The following SCAF11 variants were observed in gnomAD, a reference collection of about 807,000 sequenced individuals.
The protein encoded by SCAF11 is protein SCAF11.
Under a neutral mutation model 140.5 loss-of-function variants are expected in SCAF11, and 47 were observed. That is an observed-to-expected ratio of 0.33 (90% confidence interval 0.26 to 0.43). The LOEUF (loss-of-function observed/expected upper bound fraction) is 0.43. SCAF11 is among the 20% of genes least tolerant of loss of function. The pLI is 1.00. For missense variants in SCAF11, 1,645 were observed against 1,705.1 expected (o/e 0.96, Z 0.62); for synonymous variants, 557 against 579.4 (o/e 0.96, Z 0.55).
At chr12:45,946,426 T>TG (rs1195907776) in intron 5 of SCAF11, among the ~76,000 whole-genome samples, 1 of 152,236 alleles carries the variant, frequency 6.6e-6, no homozygotes, top group African/African-American at 2.4e-5. Flanking sequence ...TTTTCCACCT[T>TG]GGGAAAAATA....
intron 1 of SCAF11, among the ~76,000 whole-genome samples, chr12:45,981,481 CA>C (rs1368647056): frequency 6.6e-5 from 10 of 152,154 alleles, no homozygotes; most frequent in African/African-American, 1.4e-4. Context: ...TCCTGTCTCC[CA>C]AAAAGATCCA....
chr12:45,991,029 G>T (rs1008870831), upstream of SCAF11, among the ~76,000 whole-genome samples: 2 of 152,252 alleles, frequency 1.3e-5, no homozygotes, highest in African/African-American at 4.8e-5. Context: ...TGCGCAGGGT[G>T]TGCTCCTTAT....
chr12:45,956,277 G>T, intron 3 of SCAF11: 1 of 654,106 alleles, frequency 1.5e-6, no homozygotes, highest in Non-Finnish European at 2.8e-6. Flanking sequence ...TTGCCTGTTT[G>T]TGGGAATCTC....
At chr12:45,942,513 A>G (rs1044548116) in intron 6 of SCAF11, among the ~76,000 whole-genome samples, 1 of 152,184 alleles carries the variant, frequency 6.6e-6, no homozygotes, top group African/African-American at 2.4e-5. Context: ...CATTGGCCCT[A>G]AATGATCTCC....
At chr12:45,934,347 CTTAAATATTTTGATACA>C (rs1254922700) in intron 7 of SCAF11, 62 bp from the exon 8 acceptor site, 2 of 1,369,846 alleles carry the variant, frequency 1.5e-6, no homozygotes, top group Admixed American at 1.9e-5. Flanking sequence ...AATAGTTATA[CTTAAATATTTTGATACA>C]CCTGAAGCAC....
chr12:45,964,242 C>T, intron 1 of SCAF11, 54 bp from the exon 2 acceptor site: 2 of 815,354 alleles, frequency 2.5e-6, no homozygotes, highest in South Asian at 3.2e-5. Context: ...CCAATAATAT[C>T]AATTAAAAAA....
intron 3 of SCAF11, 150 bp from the exon 4 acceptor site, chr12:45,951,877 A>C: frequency 1.9e-6 from 1 of 530,362 alleles, no homozygotes; most frequent in Admixed American, 3.2e-5. Context: ...CATTCATTCA[A>C]ACATTTACTG....
chr12:45,991,282 GC>G (rs900123204), upstream of SCAF11, among the ~76,000 whole-genome samples: 1 of 152,204 alleles, frequency 6.6e-6, no homozygotes, highest in African/African-American at 2.4e-5. Flanking sequence ...TTAAATTTGG[GC>G]CAGGTGCGCG....
chr12:45,933,923 GAAC>G (rs1007000571), intron 8 of SCAF11, among the ~76,000 whole-genome samples: 54 of 152,036 alleles, frequency 3.6e-4, no homozygotes, highest in African/African-American at 1.3e-3. Context: ...AGCTTATATA[GAAC>G]AACTTATTAA....
Position 45,928,457 on chromosome 12 carries a change from G to A in SCAF11, c.1244C>T (p.Thr415Ile), listed in dbSNP as rs1197564883. Residue 415 changes from threonine to isoleucine, a missense_variant, in exon 11 of 15, where the codon ACA (threonine) becomes ATA (isoleucine). Thr to Ile is a moderately conservative substitution (Grantham distance 89). Transcript: ENST00000369367. The stretch of plus-strand genomic sequence containing the variant: ...GTGCTCTTTTTCTAACACAGGTGAT[G>A]TGTCAGATTCTGCTGTTTCTTCATC... ...SVDEETAESD[T>I]SPVLEKEHQP... The A allele has an allele frequency of 3.7e-6, 6 of 1,612,688 alleles. No individual in the cohort carries two copies. The highest frequency in any genetic ancestry group is 4.5e-5 in the East Asian group (2 of 44,870).
intron 6 of SCAF11, among the ~76,000 whole-genome samples, chr12:45,937,609 T>C (rs1039620299): frequency 6.6e-6 from 1 of 152,202 alleles, no homozygotes; most frequent in African/African-American, 2.4e-5. Context: ...GGTTACTTCA[T>C]TGGGAGACTC....
At chr12:45,987,088 T>G (rs984589821) in intron 1 of SCAF11, among the ~76,000 whole-genome samples, 5 of 152,140 alleles carry the variant, frequency 3.3e-5, no homozygotes, top group African/African-American at 1.2e-4. Flanking sequence ...AGGCTGGGTG[T>G]GGTGGTTCAT....
chr12:45,990,168 C>A (rs373548102), intron 1 of SCAF11, among the ~76,000 whole-genome samples, 185 bp downstream of exon 1: 3 of 152,118 alleles, frequency 2.0e-5, no homozygotes, highest in Non-Finnish European at 1.5e-5. Context: ...GCCTCCCCCA[C>A]TTCGAGAGGT....
intron 1 of SCAF11, among the ~76,000 whole-genome samples, chr12:45,989,928 C>T (rs1272272342): frequency 6.6e-6 from 1 of 152,188 alleles, no homozygotes; most frequent in African/African-American, 2.4e-5. Context: ...GACACGTTTC[C>T]ACTGCAGGGA....
At position 45,926,805 on chromosome 12, in the gene SCAF11, A is replaced by C; in HGVS notation, c.2896T>G (p.Trp966Gly). 1 of 1,614,028 alleles carries C rather than the reference A, an allele frequency of 6.2e-7. No homozygotes were observed. Among genetic ancestry groups the C allele is most frequent in the Non-Finnish European group, 8.5e-7 (1 of 1,179,978 alleles). ...RIDRDSYSPR[W>G]KGRWANDGWR... ...CCATCATTTGCCCATCTTCCCTTCCACCGGGGAGAGTAACTATCTCTGTCA... is the reference window on the plus strand; with the variant it reads ...CCATCATTTGCCCATCTTCCCTTCCCCCGGGGAGAGTAACTATCTCTGTCA... Residue 966 changes from tryptophan (W) to glycine (G), a missense_variant, in exon 11 of 15, where the codon TGG becomes GGG. By Grantham distance (184) the Trp-to-Gly change is radical. Around this residue, in one of 2 missense-constraint regions of SCAF11, gnomAD observed 1,582 missense variants for 1,609.2 expected, o/e 0.98. Transcript: ENST00000369367.
chr12:45,936,147 GTT>G (rs1414313412), intron 6 of SCAF11, among the ~76,000 whole-genome samples: 1 of 140,408 alleles, frequency 7.1e-6, no homozygotes, highest in Non-Finnish European at 1.6e-5. Flanking sequence ...GGTTTTTTTT[GTT>G]TTTTTTTTTT....
intron 7 of SCAF11, 71 bp from the exon 8 acceptor site, chr12:45,934,356 T>G: frequency 7.3e-7 from 1 of 1,377,116 alleles, no homozygotes; most frequent in South Asian, 1.3e-5. Flanking sequence ...ACTTAAATAT[T>G]TTGATACACC....
intron 1 of SCAF11, among the ~76,000 whole-genome samples, chr12:45,981,681 G>A (rs1397468125): frequency 3.3e-5 from 5 of 152,078 alleles, no homozygotes; most frequent in Non-Finnish European, 5.9e-5. Context: ...TGTAGTACTA[G>A]GTACTCTGGA....
intron 10 of SCAF11, chr12:45,930,040 AAAG>A (rs1945004303): frequency 6.6e-6 from 1 of 152,252 alleles, no homozygotes; most frequent in African/African-American, 2.4e-5. Flanking sequence ...TCTTACAATA[AAAG>A]AAGCTAAAGA....
Sources: gnomAD v4.1 joint callset for allele counts (sites outside exome capture counted in the v4.1 genomes callset) on GRCh38, gnomAD v4.1.1 for gene constraint, gnomAD v4.1.1 regional missense constraint, MANE v1.5 for transcripts, NCBI Gene and HGNC (gene_info 2026-07-23, HGNC 2026-07-21) for gene names.